Variants in ZFYVE9 observed in about 807,000 individuals in gnomAD.
ZFYVE9 encodes zinc finger FYVE-type containing 9, also known as zinc finger FYVE domain-containing protein 9.
Under a neutral mutation model 126.7 loss-of-function variants are expected in ZFYVE9, and 43 were observed. The observed-to-expected ratio is 0.34, with a 90% CI of 0.27 to 0.44. ZFYVE9 has a LOEUF of 0.44. ZFYVE9 is among the 20% of genes least tolerant of loss of function. The pLI is 1.00. For missense variants in ZFYVE9, 1,476 were observed against 1,697.0 expected (o/e 0.87, Z 2.29); for synonymous variants, 521 against 597.4 (o/e 0.87, Z 1.87).
rs2124629362 is a variant in ZFYVE9 at position 52,238,183 on chromosome 1, C to T, written c.766C>T (p.Pro256Ser). 6.2e-7 allele frequency: 1 copy of T among 1,613,872 alleles called. No homozygotes were observed. Among genetic ancestry groups the T allele is most frequent in the East Asian group, 2.2e-5 (1 of 44,896 alleles). The change falls in exon 4 of 19, where the codon CCC (proline) becomes TCC (serine). Residue 256 changes from proline to serine, a missense_variant. Pro to Ser is a moderately conservative substitution (Grantham distance 74, BLOSUM62 -1). Transcript: ENST00000287727. ...GGATGACGGAAGTATAGGTAGAGAC[C>T]CCTCCATGTCTGCGATTACAAGTTT... ...LKDDGSIGRD[P>S]SMSAITSLTV...
chr1:52,291,628 A>C (rs566656861), intron 10 of ZFYVE9, among the ~76,000 whole-genome samples: 3 of 152,314 alleles, frequency 2.0e-5, no homozygotes, highest in South Asian at 2.1e-4. Context: ...CTGTAATCCC[A>C]ACACTTTGGG....
At chr1:52,223,071 G>C (rs2124606687) in intron 2 of ZFYVE9, among the ~76,000 whole-genome samples, 1 of 152,210 alleles carries the variant, frequency 6.6e-6, no homozygotes. Flanking sequence ...AATCGACTAA[G>C]AAAGTGACTA....
chr1:52,334,719 C>A lies in ZFYVE9; in HGVS notation c.3621C>A (p.Gly1207=), dbSNP rs76670892. 3.7e-6 allele frequency: 6 copies of A among 1,613,652 alleles called. No homozygotes were observed. Among genetic ancestry groups the A allele is most frequent in the Non-Finnish European group, 5.1e-6 (6 of 1,179,866 alleles). The change falls in exon 15 of 19, where the codon GGC becomes GGA. Residue 1207 remains glycine (G), a synonymous_variant. Coordinates refer to ENST00000287727, the MANE Select transcript of ZFYVE9 (RefSeq NM_004799.4). The part of the protein sequence containing the change: ...VTGASFFVFS[G]ALKSSSGYLA... The stretch of plus-strand genomic sequence containing the variant: ...GTGCCAGTTTCTTTGTGTTCAGTGG[C>A]GCTCTGAAATCCTCTTCTGGATACC...
At chr1:52,254,594 A>C (rs1288495279) in intron 4 of ZFYVE9, among the ~76,000 whole-genome samples, 1 of 152,176 alleles carries the variant, frequency 6.6e-6, no homozygotes, top group Non-Finnish European at 1.5e-5. Flanking sequence ...AATAATTCTT[A>C]AAACAAGTGC....
At chr1:52,273,793 T>TG (rs912335003) in intron 7 of ZFYVE9, among the ~76,000 whole-genome samples, 35 of 134,972 alleles carry the variant, frequency 2.6e-4, no homozygotes, top group African/African-American at 9.6e-4. Context: ...CACTCCAGCC[T>TG]GGGCGATAGA....
At chr1:52,194,931 A>G (rs1369393572) in intron 1 of ZFYVE9, among the ~76,000 whole-genome samples, 3 of 152,088 alleles carry the variant, frequency 2.0e-5, no homozygotes, top group South Asian at 4.1e-4. Flanking sequence ...GACTTATTTA[A>G]TACTGCACTG....
intron 1 of ZFYVE9, among the ~76,000 whole-genome samples, chr1:52,192,792 G>A (rs1387521337): frequency 6.6e-6 from 1 of 152,086 alleles, no homozygotes; most frequent in Non-Finnish European, 1.5e-5. Flanking sequence ...AATTCAAAAG[G>A]CTAAAAAAGT....
rs1257607362 is a variant in ZFYVE9, at chr1:52,284,025, A to G, written c.3025+2209A>G. Among the ~76,000 whole-genome samples, 8 of 152,234 alleles carry G rather than the reference A, an allele frequency of 5.3e-5. No homozygotes were observed. In the East Asian group the frequency reaches 1.4e-3, roughly 26 times the overall value. On this transcript the variant is annotated intron_variant, in intron 10 of 18. Coordinates refer to ENST00000287727, the MANE Select transcript of ZFYVE9 (RefSeq NM_004799.4). ...TCAGTAGGATTTGGTAACTAACTGG[A>G]TATAGGGGGTTAGAGGGGACAAGTC...
intron 7 of ZFYVE9, among the ~76,000 whole-genome samples, 161 bp downstream of exon 7, chr1:52,268,793 T>A (rs1029080318): frequency 3.3e-5 from 5 of 152,228 alleles, no homozygotes; most frequent in Non-Finnish European, 7.3e-5. Flanking sequence ...AATCAGCTGC[T>A]GTTCTTTGCT....
At chr1:52,242,266 A>C (rs1437984574) in intron 4 of ZFYVE9, among the ~76,000 whole-genome samples, 1 of 152,154 alleles carries the variant, frequency 6.6e-6, no homozygotes, top group Non-Finnish European at 1.5e-5. Flanking sequence ...TCCTGACCTT[A>C]AGTGATCCAC....
chr1:52,341,456 T>C (rs1227898564), intron 17 of ZFYVE9, among the ~76,000 whole-genome samples: 3 of 152,178 alleles, frequency 2.0e-5, no homozygotes, highest in African/African-American at 4.8e-5. Flanking sequence ...ATCAGAAAGT[T>C]TATTCTCTTC....
In ZFYVE9 at chr1:52,278,588, T is replaced by G; in HGVS notation, c.2843T>G (p.Leu948Trp). 1 of 1,586,710 alleles carries G rather than the reference T, an allele frequency of 6.3e-7. No individual in the cohort carries two copies. The highest frequency in any genetic ancestry group is 8.6e-7 in the Non-Finnish European group (1 of 1,164,326). Residue 948 changes from leucine to tryptophan, a missense_variant, in exon 9 of 19, where the codon TTG becomes TGG. Physicochemically the swap from Leu to Trp is moderately conservative, Grantham distance 61 (BLOSUM62 -2). Transcript: ENST00000287727. Reference protein sequence around the residue: ...DPLVFVLNANLLSMVKIVNYV... With the variant: ...DPLVFVLNANWLSMVKIVNYV... Reference sequence around the variant, plus strand: ...CTTGTATTTGTTTTAAATGCAAATTTGTTGTCAATGGTTAAAATTGTAAAT... The same window carrying G: ...CTTGTATTTGTTTTAAATGCAAATTGGTTGTCAATGGTTAAAATTGTAAAT...
intron 4 of ZFYVE9, among the ~76,000 whole-genome samples, chr1:52,254,998 G>A (rs973595140): frequency 1.3e-5 from 2 of 151,824 alleles, no homozygotes; most frequent in Non-Finnish European, 2.9e-5. Flanking sequence ...AGGCTGAGTT[G>A]GGAGGATCAC....
At chr1:52,207,304 A>G (rs1644987367) in intron 1 of ZFYVE9, among the ~76,000 whole-genome samples, 2 of 152,316 alleles carry the variant, frequency 1.3e-5, no homozygotes, top group Admixed American at 1.3e-4. Flanking sequence ...TTCAATGCCT[A>G]TGTATATTTG....
intron 7 of ZFYVE9, among the ~76,000 whole-genome samples, chr1:52,272,922 A>G (rs774682086): frequency 3.9e-5 from 6 of 152,250 alleles, no homozygotes; most frequent in Admixed American, 3.9e-4. Context: ...TTGGCCTTCC[A>G]AAGTGCTGGG....
intron 14 of ZFYVE9, among the ~76,000 whole-genome samples, chr1:52,334,092 CAAA>C (rs565760965): frequency 1.5e-5 from 1 of 65,112 alleles, no homozygotes. Flanking sequence ...GACTCCGTCT[CAAA>C]AAAAAAAAAA....
chr1:52,180,802 C>G (rs1644692025), intron 1 of ZFYVE9, among the ~76,000 whole-genome samples: 1 of 151,494 alleles, frequency 6.6e-6, no homozygotes, highest in Non-Finnish European at 1.5e-5. Flanking sequence ...ATGGAGAAAC[C>G]CTGTCTCCAC....
intron 10 of ZFYVE9, among the ~76,000 whole-genome samples, chr1:52,287,696 CAAAAAAAA>C (rs562577492): frequency 8.9e-6 from 1 of 112,940 alleles, no homozygotes; most frequent in African/African-American, 3.1e-5. Context: ...CTATCTGTAC[CAAAAAAAA>C]AAAAAAAAAA....
At chr1:52,326,097 C>T (rs2147863940) in intron 13 of ZFYVE9, among the ~76,000 whole-genome samples, 1 of 152,194 alleles carries the variant, frequency 6.6e-6, no homozygotes, top group East Asian at 1.9e-4. Flanking sequence ...TCAGCTTGCT[C>T]AGTGCCTGGT....
Sources: gnomAD v4.1 joint callset for allele counts (sites outside exome capture counted in the v4.1 genomes callset) on GRCh38, gnomAD v4.1.1 for gene constraint, MANE v1.5 for transcripts, NCBI Gene and HGNC (gene_info 2026-07-23, HGNC 2026-07-21) for gene names.